NIFK: variants seen among roughly 807,000 people sequenced by gnomAD.
NIFK encodes MKI67 FHA domain-interacting nucleolar phosphoprotein.
A neutral mutation model predicts 31.7 loss-of-function variants in NIFK; 16 were observed. The ratio of observed to expected loss-of-function variants is 0.50; its 90% CI spans 0.34 to 0.77. NIFK has a LOEUF of 0.77. NIFK is among the 30% of genes least tolerant of loss of function. The pLI is 0.01. For missense variants in NIFK, 341 were observed against 350.4 expected (o/e 0.97, Z 0.21); for synonymous variants, 126 against 123.0 (o/e 1.02, Z -0.16).
At chr2:121,728,703 T>C (rs1024531372) in intron 4 of NIFK, 167 bp from the exon 5 acceptor site, 6 of 516,828 alleles carry the variant, frequency 1.2e-5, no homozygotes, top group Non-Finnish European at 2.0e-5. Flanking sequence ...AGGGCAAAAC[T>C]AGGAAAAACC....
intron 4 of NIFK, 89 bp from the exon 5 acceptor site, chr2:121,728,625 C>T: frequency 1.4e-6 from 1 of 714,464 alleles, no homozygotes; most frequent in Non-Finnish European, 2.3e-6. Flanking sequence ...GTAAATCCTC[C>T]CTAAATGACA....
chr2:121,727,965 CTT>C, intron 6 of NIFK, 53 bp from the exon 7 acceptor site: 1 of 1,465,402 alleles, frequency 6.8e-7, no homozygotes. Flanking sequence ...ATGATTATGA[CTT>C]TACCCAAAAA....
rs889566530 is a variant in NIFK, at chr2:121,732,221, G to A, written c.244-17C>T. 13 of 1,439,274 alleles carry A rather than the reference G, an allele frequency of 9.0e-6. No homozygotes were observed. Among genetic ancestry groups the A allele is most frequent in the Middle Eastern group, 1.7e-4 (1 of 5,726 alleles). 89.2% of individuals were successfully genotyped at this position (1,439,274 alleles called of 1,614,324 possible). ...ATTTCCAGTCTGCAACAGAGAAACCGCCACAAAAAGTAGAACAATTAAATT... is the reference window on the plus strand; with the variant it reads ...ATTTCCAGTCTGCAACAGAGAAACCACCACAAAAAGTAGAACAATTAAATT... On this transcript the variant is annotated splice_polypyrimidine_tract_variant and intron_variant, in intron 2 of 6. Transcript: ENST00000285814.
In NIFK at chr2:121,732,121, GT is replaced by G; in HGVS notation, c.326del (p.Tyr109SerfsTer38). On this transcript the variant is annotated frameshift_variant, in exon 3 of 7. Transcript: ENST00000285814. LOFTEE classifies it high-confidence loss of function. ...AKIVAETMNN[Y>X]LFGERLLECH... ...ACTCCAAGAGTCTTTCACCAAACAG[GT>G]AGTTGTTCATTGTTTCAGCAACTAT... is the stretch of plus-strand genomic sequence containing the variant. 1 of 1,609,112 alleles carries G rather than the reference GT, an allele frequency of 6.2e-7. No homozygotes were observed. Among genetic ancestry groups the G allele is most frequent in the Non-Finnish European group, 8.5e-7 (1 of 1,175,584 alleles).
chr2:121,730,752 G>C (rs1267984921), intron 4 of NIFK, 141 bp downstream of exon 4: 2 of 646,362 alleles, frequency 3.1e-6, no homozygotes, highest in Admixed American at 5.2e-5. Context: ...GCTAGAGGCA[G>C]GAGAATTGCT....
At chr2:121,732,724 C>T (rs2074550804) in intron 2 of NIFK, among the ~76,000 whole-genome samples, 1 of 152,166 alleles carries the variant, frequency 6.6e-6, no homozygotes, top group Non-Finnish European at 1.5e-5. Context: ...TGGCTCACCC[C>T]TGCAATCTCA....
rs1230053275 is a variant in NIFK at position 121,735,770 on chromosome 2, G to A, written c.106-20C>T. ...TTTTCGCTAAAGACGTAAAGACCAG[G>A]TAAATTAAATATATAAATAAGAAAA... On this transcript the variant is annotated intron_variant, in intron 1 of 6. Coordinates refer to ENST00000285814, the MANE Select transcript of NIFK (RefSeq NM_032390.5). 1.9e-6 allele frequency: 3 copies of A among 1,596,948 alleles called. No individual in the cohort carries two copies. The highest frequency in any genetic ancestry group is 2.6e-6 in the Non-Finnish European group (3 of 1,171,774).
Position 121,727,601 on chromosome 2 carries a change from C to G in NIFK, c.*123G>C. On this transcript the variant is annotated 3_prime_UTR_variant, in exon 7 of 7. Coordinates refer to ENST00000285814, the MANE Select transcript of NIFK (RefSeq NM_032390.5). ...TACACACTGCTTTCCTTAACTTGAC[C>G]AAACAGTGTATTTTTCCTCTGAAAA... The G allele has an allele frequency of 1.2e-6, 1 of 852,682 alleles. No individual in the cohort carries two copies. 52.8% of individuals were successfully genotyped at this position (852,682 alleles called of 1,614,324 possible). A position where few individuals can be genotyped will look rare whatever the true frequency, so the allele number is the denominator to read the frequency against.
chr2:121,731,228 T>TTC (rs1458611256), intron 3 of NIFK, 124 bp from the exon 4 acceptor site: 1 of 612,750 alleles, frequency 1.6e-6, no homozygotes, highest in Non-Finnish European at 2.9e-6. Context: ...TAATCCCAGC[T>TTC]TCTCTCACAG....
In NIFK at chr2:121,728,433, C is replaced by A. The variant is rs373228003; in HGVS notation, c.624+44G>T. ...GTCTTGAATATGTTTTCCTACTTATCCTTCTCTAATATCTTGCATGTAAAA... is the reference window on the plus strand; with the variant it reads ...GTCTTGAATATGTTTTCCTACTTATACTTCTCTAATATCTTGCATGTAAAA... On this transcript the variant is annotated intron_variant, in intron 5 of 6. Transcript: ENST00000285814. The A allele has an allele frequency of 5.1e-5, 75 of 1,485,138 alleles. No individual in the cohort carries two copies. In the African/African-American group the frequency reaches 8.4e-4, roughly 17 times the overall value. 92.0% of individuals were successfully genotyped at this position (1,485,138 alleles called of 1,614,324 possible). A position where few individuals can be genotyped will look rare whatever the true frequency, so the allele number is the denominator to read the frequency against.
rs1307831844 is a variant in NIFK, at chr2:121,727,001, A to AT, written c.*722dup. 1.9e-4 allele frequency: 30 copies of AT among 157,712 alleles called. No homozygotes were observed. The highest frequency in any genetic ancestry group is 9.2e-4 in the South Asian group (5 of 5,434). The allele number at this position is 157,712 out of a possible 1,614,324, so 9.8% of individuals were successfully genotyped here. ...TCGTTAATGAAGGGGAAAATTTATT[A>AT]TTTTTTTTTCCCAATGACTCCCAAG... On this transcript the variant is annotated 3_prime_UTR_variant, in exon 7 of 7. Coordinates refer to ENST00000285814, the MANE Select transcript of NIFK (RefSeq NM_032390.5).
intron 2 of NIFK, 141 bp downstream of exon 2, chr2:121,735,472 T>C (rs1322574486): frequency 5.8e-6 from 5 of 866,718 alleles, no homozygotes; most frequent in Non-Finnish European, 7.2e-6. Context: ...CCTGTAGCTG[T>C]TTCAGATTCT....
Position 121,727,567 on chromosome 2 carries a change from A to G in NIFK, c.*157T>C. 1.3e-6 allele frequency: 1 copy of G among 746,592 alleles called. No homozygotes were observed. The highest frequency in any genetic ancestry group is 1.5e-5 in the South Asian group (1 of 65,614). 46.2% of individuals were successfully genotyped at this position (746,592 alleles called of 1,614,324 possible). The stretch of plus-strand genomic sequence containing the variant: ...CCTGTATTTCAGCCAAGGGCAGGCA[A>G]TCCAAAATTACACACTGCTTTCCTT... On this transcript the variant is annotated 3_prime_UTR_variant, in exon 7 of 7. Transcript: ENST00000285814.
intron 2 of NIFK, 56 bp downstream of exon 2, chr2:121,735,557 C>T: frequency 1.3e-6 from 2 of 1,562,354 alleles, no homozygotes; most frequent in Non-Finnish European, 8.8e-7. Flanking sequence ...TCTTTAATGT[C>T]AAGGATAATA....
Position 121,735,762 on chromosome 2 carries a change from A to C in NIFK, c.106-12T>G. The stretch of plus-strand genomic sequence containing the variant: ...TCTTGTTTTTTTCGCTAAAGACGTA[A>C]AGACCAGGTAAATTAAATATATAAA... On this transcript the variant is annotated splice_polypyrimidine_tract_variant and intron_variant, in intron 1 of 6. Coordinates refer to ENST00000285814, the MANE Select transcript of NIFK (RefSeq NM_032390.5). 6.2e-7 allele frequency: 1 copy of C among 1,602,598 alleles called. No homozygotes were observed. Among genetic ancestry groups the C allele is most frequent in the Non-Finnish European group, 8.5e-7 (1 of 1,175,362 alleles).
chr2:121,729,374 A>G (rs1254107219), intron 4 of NIFK, among the ~76,000 whole-genome samples: 1 of 151,586 alleles, frequency 6.6e-6, no homozygotes, highest in Admixed American at 6.6e-5. Context: ...TCTCAAAAAA[A>G]AAAAAAAAAA....
intron 4 of NIFK, 169 bp from the exon 5 acceptor site, chr2:121,728,705 G>C: frequency 1.9e-6 from 1 of 515,878 alleles, no homozygotes; most frequent in South Asian, 2.9e-5. Context: ...GGCAAAACTA[G>C]GAAAAACCCA....
intron 6 of NIFK, 183 bp from the exon 7 acceptor site, chr2:121,728,095 A>G: frequency 2.8e-6 from 2 of 708,810 alleles, no homozygotes. Context: ...TTGGTACAGA[A>G]ATTCACAATT....
intron 2 of NIFK, among the ~76,000 whole-genome samples, chr2:121,732,461 T>A (rs1404884023): frequency 6.6e-6 from 1 of 152,206 alleles, no homozygotes; most frequent in Admixed American, 6.5e-5. Flanking sequence ...ACAATTCCTA[T>A]GGCTGGAATT....
Sources: allele counts gnomAD v4.1 joint callset (sites outside exome capture counted in the v4.1 genomes callset), GRCh38; gene constraint gnomAD v4.1.1; transcripts MANE v1.5; gene names NCBI Gene and HGNC (gene_info 2026-07-23, HGNC 2026-07-21).